CDC42BPA: variants seen among roughly 807,000 people sequenced by gnomAD.
The protein encoded by CDC42BPA is serine/threonine-protein kinase MRCK alpha.
In CDC42BPA, 80 loss-of-function variants were observed where a neutral mutation model predicts 223.5. The observed-to-expected ratio is 0.36, with a 90% CI of 0.30 to 0.43. The LOEUF is 0.43. CDC42BPA is among the 20% of genes least tolerant of loss of function. CDC42BPA has a pLI of 1.00. For missense variants in CDC42BPA, 1,743 were observed against 2,099.9 expected, an observed-to-expected ratio of 0.83 and a Z score of 3.32; for synonymous variants, 694 against 718.6, an observed-to-expected ratio of 0.97 and a Z score of 0.55.
intron 27 of CDC42BPA, among the ~76,000 whole-genome samples, chr1:227,032,840 G>A (rs1669540038): frequency 6.6e-6 from 1 of 152,186 alleles, no homozygotes; most frequent in African/African-American, 2.4e-5. Context: ...TCCCAAATGA[G>A]CTGAATGCAG....
At chr1:227,132,747 C>G (rs1657460565) in intron 10 of CDC42BPA, among the ~76,000 whole-genome samples, 1 of 151,588 alleles carries the variant, frequency 6.6e-6, no homozygotes, top group African/African-American at 2.4e-5. Context: ...CCCGCCCGCC[C>G]ATCGTCTGGG....
chr1:227,002,755 A>G (rs1298652), intron 35 of CDC42BPA, among the ~76,000 whole-genome samples: 137,998 of 152,234 alleles, frequency 0.91, 62,604 homozygotes, highest in East Asian at 0.95. Flanking sequence ...ACCAACAGTC[A>G]GTGAGGAACT....
At chr1:227,057,060 A>C (rs575149278) in intron 21 of CDC42BPA, among the ~76,000 whole-genome samples, 2 of 152,314 alleles carry the variant, frequency 1.3e-5, no homozygotes, top group South Asian at 4.1e-4. Context: ...ACATATTCTA[A>C]GAAAACATAA....
At chr1:227,171,235 T>C (rs1474418558) in intron 5 of CDC42BPA, among the ~76,000 whole-genome samples, 1 of 152,248 alleles carries the variant, frequency 6.6e-6, no homozygotes, top group African/African-American at 2.4e-5. Context: ...GTTTCTAAAA[T>C]GAATAATTTT....
intron 1 of CDC42BPA, among the ~76,000 whole-genome samples, chr1:227,296,187 G>C (rs1000009738): frequency 6.6e-6 from 1 of 152,152 alleles, no homozygotes; most frequent in African/African-American, 2.4e-5. Context: ...GAATAGAACT[G>C]AGAGTCTAGA....
chr1:226,990,664 C>A lies in CDC42BPA; in HGVS notation c.*3604G>T, dbSNP rs1285145397. ...CCAAAGGCGGCAAATGGCCCTGCTG[C>A]GTCTGTGGTTTTGACCTCTGCTCAC... is the stretch of plus-strand genomic sequence containing the variant. On this transcript the variant is annotated 3_prime_UTR_variant, in exon 37 of 37. Transcript: ENST00000366766. 2 of 152,664 alleles carry A rather than the reference C, an allele frequency of 1.3e-5. No homozygotes were observed. The highest frequency in any genetic ancestry group is 4.8e-5 in the African/African-American group (2 of 41,446). 9.5% of individuals were successfully genotyped at this position (152,664 alleles called of 1,614,324 possible).
intron 3 of CDC42BPA, among the ~76,000 whole-genome samples, chr1:227,205,414 T>A (rs1326157393): frequency 6.6e-6 from 1 of 151,634 alleles, no homozygotes; most frequent in African/African-American, 2.4e-5. Context: ...CATATTTTAG[T>A]GAAAAAGCAA....
intron 2 of CDC42BPA, among the ~76,000 whole-genome samples, chr1:227,230,234 C>T (rs1033121128): frequency 2.0e-5 from 3 of 152,198 alleles, no homozygotes; most frequent in Non-Finnish European, 2.9e-5. Context: ...GTTCTTATAC[C>T]TTCAAACAGA....
chr1:227,063,589 A>G (rs1676374959), intron 21 of CDC42BPA, among the ~76,000 whole-genome samples: 1 of 152,102 alleles, frequency 6.6e-6, no homozygotes, highest in Non-Finnish European at 1.5e-5. Flanking sequence ...TAAGTTGAGG[A>G]AAAAATGCAT....
At chr1:227,011,922 G>C (rs1375980883) in intron 34 of CDC42BPA, among the ~76,000 whole-genome samples, 1 of 152,260 alleles carries the variant, frequency 6.6e-6, no homozygotes, top group East Asian at 1.9e-4. Flanking sequence ...TGGCGTGTTG[G>C]AGAGAGTGCT....
At chr1:227,240,429 CAA>C (rs1250917553) in intron 2 of CDC42BPA, among the ~76,000 whole-genome samples, 2 of 151,868 alleles carry the variant, frequency 1.3e-5, no homozygotes, top group African/African-American at 4.8e-5. Context: ...TTCTAAAATG[CAA>C]AAGTCTTCGA....
chr1:227,168,218 C>T (rs887992660), intron 5 of CDC42BPA, among the ~76,000 whole-genome samples: 5 of 152,146 alleles, frequency 3.3e-5, no homozygotes, highest in African/African-American at 4.8e-5. Context: ...AGCCATCACC[C>T]CTGGCTTCTT....
intron 5 of CDC42BPA, among the ~76,000 whole-genome samples, chr1:227,184,450 C>T (rs542680680): frequency 6.6e-6 from 1 of 151,654 alleles, no homozygotes; most frequent in African/African-American, 2.4e-5. Flanking sequence ...TGCTTTTGCA[C>T]CTTTCTCAAA....
chr1:227,075,709 T>G (rs1679326964), intron 17 of CDC42BPA, among the ~76,000 whole-genome samples: 1 of 152,136 alleles, frequency 6.6e-6, no homozygotes, highest in South Asian at 2.1e-4. Context: ...TAAATTGGGA[T>G]GAAGGAAGAT....
At chr1:227,009,104 GAATA>G (rs1471339451) in intron 34 of CDC42BPA, among the ~76,000 whole-genome samples, 1 of 151,910 alleles carries the variant, frequency 6.6e-6, no homozygotes, top group Non-Finnish European at 1.5e-5. Flanking sequence ...ACCTATCCTA[GAATA>G]AATAGCAAAA....
chr1:227,067,687 A>G (rs1383754783), intron 21 of CDC42BPA, among the ~76,000 whole-genome samples: 6 of 152,170 alleles, frequency 3.9e-5, no homozygotes, highest in African/African-American at 1.4e-4. Context: ...AAATATTCCA[A>G]GCATATTCAA....
In CDC42BPA at chr1:227,094,444, T is replaced by C. The variant is rs551935550; in HGVS notation, c.2250-2453A>G. Among the ~76,000 whole-genome samples, 6 of 152,326 alleles carry C rather than the reference T, an allele frequency of 3.9e-5. No individual in the cohort carries two copies. In the South Asian group the frequency reaches 8.3e-4, roughly 21 times the overall value. On this transcript the variant is annotated intron_variant, in intron 15 of 36. Transcript: ENST00000366766. ...ATGTTATTTTGTAAACCAGTGAAAA[T>C]GCCTGTCAAACAACTTTGTATCAGC...
intron 3 of CDC42BPA, among the ~76,000 whole-genome samples, chr1:227,211,093 G>A (rs1414842948): frequency 6.6e-6 from 1 of 152,036 alleles, no homozygotes; most frequent in African/African-American, 2.4e-5. Flanking sequence ...CTCAATCTCG[G>A]TATTTACTCC....
chr1:227,180,814 T>C (rs1251241072), intron 5 of CDC42BPA, among the ~76,000 whole-genome samples: 1 of 152,232 alleles, frequency 6.6e-6, no homozygotes, highest in African/African-American at 2.4e-5. Context: ...AGTAGGATTC[T>C]GTGTCTTAAA....
Sources: allele counts gnomAD v4.1 joint callset (sites outside exome capture counted in the v4.1 genomes callset), GRCh38; gene constraint gnomAD v4.1.1; transcripts MANE v1.5; gene names NCBI Gene and HGNC (gene_info 2026-07-23, HGNC 2026-07-21).